The following CMTM7 variants were observed in gnomAD, a reference collection of about 807,000 sequenced individuals.
CMTM7 encodes CKLF like MARVEL transmembrane domain containing 7.
CMTM7 carries 7 observed loss-of-function variants against 19.3 expected under a neutral mutation model. That is an observed-to-expected ratio of 0.36 (90% CI 0.21 to 0.68). The LOEUF is 0.68. CMTM7 is among the 30% of genes least tolerant of loss of function. CMTM7 has a pLI of 0.60. For synonymous variants in CMTM7, 87 were observed against 99.3 expected (o/e 0.88, Z 0.74); for missense variants, 193 against 232.6 (o/e 0.83, Z 1.11).
At chr3:32,416,886 G>T (rs1696275350) in intron 1 of CMTM7, among the ~76,000 whole-genome samples, 1 of 152,162 alleles carries the variant, frequency 6.6e-6, no homozygotes, top group Non-Finnish European at 1.5e-5. Flanking sequence ...TGTACTAAGG[G>T]CTGGGACCTC....
intron 1 of CMTM7, among the ~76,000 whole-genome samples, chr3:32,429,566 C>T (rs534432917): frequency 6.6e-6 from 1 of 151,698 alleles, no homozygotes; most frequent in South Asian, 2.1e-4. Context: ...GCTGGCATTA[C>T]AGGCGTGAGC....
chr3:32,426,687 A>G (rs1192393522), intron 1 of CMTM7, among the ~76,000 whole-genome samples: 2 of 152,148 alleles, frequency 1.3e-5, no homozygotes, highest in Non-Finnish European at 2.9e-5. Flanking sequence ...AACAAGTACT[A>G]TTTGATATCT....
At chr3:32,435,373 C>T (rs1272726201) in intron 1 of CMTM7, among the ~76,000 whole-genome samples, 1 of 152,172 alleles carries the variant, frequency 6.6e-6, no homozygotes, top group Non-Finnish European at 1.5e-5. Flanking sequence ...CACTGCACTC[C>T]AGCCTGGGCG....
intron 2 of CMTM7, among the ~76,000 whole-genome samples, chr3:32,448,748 C>T (rs1696787652): frequency 6.7e-6 from 1 of 150,094 alleles, no homozygotes; most frequent in Non-Finnish European, 1.5e-5. Flanking sequence ...CGGGAGGGCA[C>T]TCTTCTGGAG....
At chr3:32,442,096 C>A in intron 2 of CMTM7, 83 bp downstream of exon 2, 2 of 1,304,068 alleles carry the variant, frequency 1.5e-6, no homozygotes, top group East Asian at 2.3e-5. Flanking sequence ...GAGTTTTTCC[C>A]GTCTGCCCAT....
rs190013737 is a variant in CMTM7, at chr3:32,447,841, G to A, written c.334-1613G>A. Among the ~76,000 whole-genome samples, 31 of 152,112 alleles carry A rather than the reference G, an allele frequency of 2.0e-4. 1 individual carries two copies. Among genetic ancestry groups the A allele is most frequent in the Admixed American group, 1.4e-3 (21 of 15,288 alleles). On this transcript the variant is annotated intron_variant, in intron 2 of 4. Coordinates refer to ENST00000334983, the MANE Select transcript of CMTM7 (RefSeq NM_138410.4). ...ACAGCACATACTGTAGTTATTTCTC[G>A]TTTTGCTTTGGTTTTTTAATCCAAT...
At chr3:32,430,245 G>A (rs1696495873) in intron 1 of CMTM7, among the ~76,000 whole-genome samples, 1 of 152,174 alleles carries the variant, frequency 6.6e-6, no homozygotes, top group South Asian at 2.1e-4. Context: ...TTGTTGTGAA[G>A]CAGATCCTGC....
In CMTM7 at chr3:32,391,859, C is replaced by T; in HGVS notation, c.-48C>T. The T allele has an allele frequency of 8.8e-7, 1 of 1,132,536 alleles. No homozygotes were observed. The allele number at this position is 1,132,536 out of a possible 1,614,324, so 70.2% of individuals were successfully genotyped here. A position where few individuals can be genotyped will look rare whatever the true frequency, so the allele number is the denominator to read the frequency against. ...CCCCCGGCCCGCCCTCTGTATCTGGCCCCTGGGCAGCTGCCCGGGGAGGCG... is the reference window on the plus strand; with the variant it reads ...CCCCCGGCCCGCCCTCTGTATCTGGTCCCTGGGCAGCTGCCCGGGGAGGCG... On this transcript the variant is annotated 5_prime_UTR_variant, in exon 1 of 5. Transcript: ENST00000334983.
chr3:32,449,592 T>C lies in CMTM7; in HGVS notation c.432+40T>C, dbSNP rs2304593. 93,562 of 1,458,442 alleles carry C rather than the reference T, an allele frequency of 0.064. 3,275 individuals are homozygous for C. The highest frequency in any genetic ancestry group is 0.11 in the Middle Eastern group (630 of 5,752). 90.3% of individuals were successfully genotyped at this position (1,458,442 alleles called of 1,614,324 possible). The stretch of plus-strand genomic sequence containing the variant: ...GGGAGCCTTTAGGAATGAATTCTTA[T>C]TTAAAATGCTCATTTTCTTCCTGAT... On this transcript the variant is annotated intron_variant, in intron 3 of 4. Coordinates refer to ENST00000334983, the MANE Select transcript of CMTM7 (RefSeq NM_138410.4). This position sits in a 1 kb window ranked among gnomAD's most constrained non-coding sequence, Gnocchi z 4.5.
intron 1 of CMTM7, among the ~76,000 whole-genome samples, chr3:32,409,989 A>G (rs946767648): frequency 1.3e-5 from 2 of 152,138 alleles, no homozygotes; most frequent in Admixed American, 6.5e-5. Context: ...TAATCCTCAC[A>G]ATAGCCCTAT....
intron 1 of CMTM7, among the ~76,000 whole-genome samples, chr3:32,405,891 G>C (rs1017776548): frequency 1.3e-5 from 2 of 152,204 alleles, no homozygotes; most frequent in African/African-American, 4.8e-5. Context: ...AGTAACTATG[G>C]TTGTACATTG....
At chr3:32,414,642 T>A (rs1012946728) in intron 1 of CMTM7, among the ~76,000 whole-genome samples, 2 of 152,174 alleles carry the variant, frequency 1.3e-5, no homozygotes, top group African/African-American at 4.8e-5. Flanking sequence ...AAGAGATTCC[T>A]TCCAGAAAAT....
chr3:32,452,453 C>T lies in CMTM7; in HGVS notation c.494C>T (p.Ser165Leu), dbSNP rs747660060. The change falls in exon 4 of 5, where the codon TCG (serine) becomes TTG (leucine). Residue 165 changes from serine to leucine, a missense_variant. Ser to Leu is a moderately radical substitution (Grantham distance 145). Transcript: ENST00000334983. ...AGCATATGGCTGTCCTATAAGATCTCGTGTGTAACCCAGTCCACAGGTGAG... is the reference window on the plus strand; with the variant it reads ...AGCATATGGCTGTCCTATAAGATCTTGTGTGTAACCCAGTCCACAGGTGAG... ...MASIWLSYKI[S>L]CVTQSTDAAV 7 of 1,614,126 alleles carry T rather than the reference C, an allele frequency of 4.3e-6. No homozygotes were observed. The Admixed American group carries it at 5.0e-5, about 12-fold the overall frequency.
rs1207060571 is a variant in CMTM7, at chr3:32,437,367, C to G, written c.160-4473C>G. ...ATCCCAGCACTTTGGGAGGCTGAGA[C>G]GGGTGGATCACTTGAGGTCAGGAGT... On this transcript the variant is annotated intron_variant, in intron 1 of 4. Coordinates refer to ENST00000334983, the MANE Select transcript of CMTM7 (RefSeq NM_138410.4). Among the ~76,000 whole-genome samples, 6 of 152,156 alleles carry G rather than the reference C, an allele frequency of 3.9e-5. No individual in the cohort carries two copies. In the East Asian group the frequency reaches 1.2e-3, roughly 29 times the overall value.
intron 2 of CMTM7, among the ~76,000 whole-genome samples, chr3:32,444,037 T>C (rs1696717992): frequency 6.6e-6 from 1 of 152,240 alleles, no homozygotes. Context: ...TGGTGTCCTT[T>C]AAAGCACAAG....
At chr3:32,392,300 C>G (rs1695848916) in intron 1 of CMTM7, among the ~76,000 whole-genome samples, 1 of 152,222 alleles carries the variant, frequency 6.6e-6, no homozygotes, top group Non-Finnish European at 1.5e-5. Flanking sequence ...TCCCGCGGAC[C>G]CAGGTCGCCA....
chr3:32,404,564 AAT>A (rs1185906763), intron 1 of CMTM7, among the ~76,000 whole-genome samples: 1 of 152,230 alleles, frequency 6.6e-6, no homozygotes, highest in Admixed American at 6.5e-5. Context: ...TCCAAAGTTG[AAT>A]ACATCTGTTA....
chr3:32,402,032 TCTC>T (rs1398890638), intron 1 of CMTM7, among the ~76,000 whole-genome samples: 2 of 152,190 alleles, frequency 1.3e-5, no homozygotes, highest in African/African-American at 4.8e-5. Context: ...GGGCAGTCAC[TCTC>T]CTCCCTCTGC....
At chr3:32,428,200 T>A (rs1356057707) in intron 1 of CMTM7, among the ~76,000 whole-genome samples, 1 of 152,096 alleles carries the variant, frequency 6.6e-6, no homozygotes, top group Non-Finnish European at 1.5e-5. Flanking sequence ...GCCCACCAGC[T>A]CTCTCCAAAG....
Sources: allele counts gnomAD v4.1 joint callset (sites outside exome capture counted in the v4.1 genomes callset), GRCh38; gene constraint gnomAD v4.1.1; non-coding constraint Gnocchi (gnomAD v3.1); transcripts MANE v1.5; gene names NCBI Gene and HGNC (gene_info 2026-07-23, HGNC 2026-07-21).